The following PRMT8 variants were observed in gnomAD, a reference collection of about 807,000 sequenced individuals.
PRMT8 encodes the protein protein arginine N-methyltransferase 8.
Under a neutral mutation model 47.1 loss-of-function variants are expected in PRMT8, and 7 were observed. The observed-to-expected ratio is 0.15, with a 90% CI of 0.08 to 0.28. The LOEUF (loss-of-function observed/expected upper bound fraction) is 0.28. Among genes scored for constraint, PRMT8 ranks in the 10% least tolerant of loss-of-function variants. PRMT8 has a pLI of 1.00. For synonymous variants in PRMT8, 188 were observed against 186.5 expected (o/e 1.01, Z -0.07); for missense variants, 237 against 505.4 (o/e 0.47, Z 5.09).
intron 1 of PRMT8, among the ~76,000 whole-genome samples, chr12:3,513,216 T>A (rs1865739614): frequency 1.3e-5 from 2 of 152,274 alleles, no homozygotes; most frequent in South Asian, 4.2e-4. Flanking sequence ...CGCAAAACAT[T>A]GTTCAATCCC....
intron 1 of PRMT8, among the ~76,000 whole-genome samples, chr12:3,419,914 C>A (rs1864521979): frequency 6.9e-6 from 1 of 145,206 alleles, no homozygotes; most frequent in Non-Finnish European, 1.5e-5. Context: ...GGTGATGGAG[C>A]CAGAGGGAGC....
Position 3,481,726 on chromosome 12 carries a change from C to T in PRMT8, c.49-58880C>T, listed in dbSNP as rs368485072. Among the ~76,000 whole-genome samples, 197 of 152,146 alleles carry T rather than the reference C, an allele frequency of 1.3e-3. 1 individual carries two copies. The highest frequency in any genetic ancestry group is 1.6e-3 in the Non-Finnish European group (109 of 67,992). On this transcript the variant is annotated intron_variant, in intron 1 of 9. Transcript: ENST00000452611. Reference sequence around the variant, plus strand: ...AGGGTCTCCTGGAAGTCCTTGGTGGCGGGGAGCTTTGTCTCAAGAGGGGCC... The same window carrying T: ...AGGGTCTCCTGGAAGTCCTTGGTGGTGGGGAGCTTTGTCTCAAGAGGGGCC...
At chr12:3,487,497 A>G (rs1865333835), upstream of PRMT8, among the ~76,000 whole-genome samples, 1 of 152,234 alleles carries the variant, frequency 6.6e-6, no homozygotes, top group Non-Finnish European at 1.5e-5. Flanking sequence ...GACAGGAGAC[A>G]GAATTACAGA....
chr12:3,558,988 A>ATCTATCTG (rs1385641349), intron 4 of PRMT8, among the ~76,000 whole-genome samples: 6 of 150,902 alleles, frequency 4.0e-5, no homozygotes, highest in South Asian at 2.1e-4. Context: ...CTATCTATCT[A>ATCTATCTG]TCTGTCTATC....
chr12:3,515,349 T>A (rs971294727), intron 1 of PRMT8, among the ~76,000 whole-genome samples: 3 of 152,124 alleles, frequency 2.0e-5, no homozygotes, highest in Non-Finnish European at 4.4e-5. Flanking sequence ...AGCATCAGCG[T>A]CACCTGGGAA....
chr12:3,407,773 G>A (rs1251811748), intron 1 of PRMT8, among the ~76,000 whole-genome samples: 1 of 152,038 alleles, frequency 6.6e-6, no homozygotes, highest in Non-Finnish European at 1.5e-5. Context: ...GCTTAATGGT[G>A]CATCATAAGT....
In PRMT8 at chr12:3,400,699, A is replaced by G. The variant is rs928653853; in HGVS notation, c.48+19257A>G. 2.6e-5 allele frequency among the ~76,000 whole-genome samples: 4 copies of G among 152,232 alleles called. No homozygotes were observed. In the East Asian group the frequency reaches 7.7e-4, roughly 29 times the overall value. ...CCTGATACCAAAACCTGGAAGAGAT[A>G]CAATAAAAAAGAAAACTTCAGGCCA... On this transcript the variant is annotated intron_variant, in intron 1 of 9. Coordinates refer to the PRMT8 transcript ENST00000452611.
intron 1 of PRMT8, among the ~76,000 whole-genome samples, chr12:3,532,833 C>T (rs1308526053): frequency 1.3e-5 from 2 of 152,168 alleles, no homozygotes; most frequent in East Asian, 3.9e-4. Flanking sequence ...TCCTTCAAGG[C>T]CTGGGAATCT....
Position 3,508,411 on chromosome 12 carries a change from T to C in PRMT8, c.75+16711T>C, listed in dbSNP as rs1344114702. Among the ~76,000 whole-genome samples the C allele has an allele frequency of 6.6e-6, 1 of 152,186 alleles. No individual in the cohort carries two copies. Among genetic ancestry groups the C allele is most frequent in the Non-Finnish European group, 1.5e-5 (1 of 68,030 alleles). On this transcript the variant is annotated intron_variant, in intron 1 of 9. Transcript: ENST00000382622. This position sits in a 1 kb window ranked among gnomAD's most constrained non-coding sequence, Gnocchi z 4.9. ...GTGAGACATGAGGTACAAGTTTAAT[T>C]ACCGGCCTGGAGCTTCTGAGCTACA...
chr12:3,483,258 C>T (rs1865291540), intron 1 of PRMT8, among the ~76,000 whole-genome samples: 2 of 152,126 alleles, frequency 1.3e-5, no homozygotes, highest in African/African-American at 2.4e-5. Context: ...TCTGCGAGGC[C>T]CTAGGCAGAA....
chr12:3,419,229 G>C (rs890490589), intron 1 of PRMT8, among the ~76,000 whole-genome samples: 1 of 152,202 alleles, frequency 6.6e-6, no homozygotes, highest in Non-Finnish European at 1.5e-5. Context: ...CGGTGTCTTG[G>C]CTTTGTGCTG....
intron 1 of PRMT8, among the ~76,000 whole-genome samples, chr12:3,473,358 C>G (rs769796401): frequency 2.0e-5 from 3 of 152,174 alleles, no homozygotes; most frequent in Non-Finnish European, 2.9e-5. Context: ...ATCGCTCCAC[C>G]CAGAACGGTC....
Position 3,456,383 on chromosome 12 carries a change from AC to A in PRMT8, c.48+74944del, listed in dbSNP as rs1351955780. ...CGTGGATCCCCTTCCCGAGGGAAAA[AC>A]CCTAGCACCCACATATCCATCACCC... On this transcript the variant is annotated intron_variant, in intron 1 of 9. Coordinates refer to the PRMT8 transcript ENST00000452611. The surrounding 1 kb of genome is among the most constrained non-coding windows in gnomAD (Gnocchi z 4.2). 6.6e-6 allele frequency among the ~76,000 whole-genome samples: 1 copy of A among 152,032 alleles called. No individual in the cohort carries two copies. Among genetic ancestry groups the A allele is most frequent in the Admixed American group, 6.6e-5 (1 of 15,252 alleles).
chr12:3,509,921 T>C (rs1325618675), intron 1 of PRMT8, among the ~76,000 whole-genome samples: 1 of 152,194 alleles, frequency 6.6e-6, no homozygotes, highest in Non-Finnish European at 1.5e-5. Context: ...ACGGCATAAG[T>C]CTCAGAAAGG....
rs1434137768 is a variant in PRMT8 at position 3,535,866 on chromosome 12, A to T, written c.76-4740A>T. 1.3e-5 allele frequency among the ~76,000 whole-genome samples: 2 copies of T among 152,076 alleles called. No homozygotes were observed. The highest frequency in any genetic ancestry group is 2.9e-5 in the Non-Finnish European group (2 of 68,008). On this transcript the variant is annotated intron_variant, in intron 1 of 9. Coordinates refer to ENST00000382622, the MANE Select transcript of PRMT8 (RefSeq NM_019854.5). The surrounding 1 kb of genome is among the most constrained non-coding windows in gnomAD (Gnocchi z 4.7). ...TGACTTCTCAGACTATGTATACAAG[A>T]TTGGAGTTTGAAAGTCACCTTCACT...
chr12:3,564,054 G>A lies in PRMT8; in HGVS notation c.482-4652G>A, dbSNP rs897038571. Among the ~76,000 whole-genome samples the A allele has an allele frequency of 9.9e-5, 15 of 152,116 alleles. No homozygotes were observed. Among genetic ancestry groups the A allele is most frequent in the African/African-American group, 2.2e-4 (9 of 41,428 alleles). ...GAAATAGGAAGCTAAAATAGACAAC[G>A]AAGAGAAGGAATGCATACGCTGGAG... On this transcript the variant is annotated intron_variant, in intron 4 of 9. Transcript: ENST00000382622. This position sits in a 1 kb window ranked among gnomAD's most constrained non-coding sequence, Gnocchi z 4.0.
rs1289934020 is a variant in PRMT8 at position 3,590,910 on chromosome 12, T to C, written c.980-1321T>C. On this transcript the variant is annotated intron_variant, in intron 8 of 9. Coordinates refer to ENST00000382622, the MANE Select transcript of PRMT8 (RefSeq NM_019854.5). ...GGCCCGGTCCCTGCCCTCATGGAGC[T>C]TGCAGTCCATGGAGGATGCAGACAA... Among the ~76,000 whole-genome samples, 11 of 152,270 alleles carry C rather than the reference T, an allele frequency of 7.2e-5. No homozygotes were observed. The East Asian group carries it at 2.1e-3, about 29-fold the overall frequency.
upstream of PRMT8, among the ~76,000 whole-genome samples, chr12:3,489,497 C>T (rs543279406): frequency 1.3e-5 from 2 of 152,094 alleles, no homozygotes; most frequent in South Asian, 2.1e-4. Context: ...GACCACAGAG[C>T]GGTGAGGATC....
At chr12:3,475,469 A>C (rs1400177408) in intron 1 of PRMT8, among the ~76,000 whole-genome samples, 1 of 152,234 alleles carries the variant, frequency 6.6e-6, no homozygotes, top group East Asian at 1.9e-4. Flanking sequence ...ACTTTCCAGC[A>C]GATCACAAGT....
Sources: gnomAD v4.1 joint callset for allele counts (sites outside exome capture counted in the v4.1 genomes callset) on GRCh38, gnomAD v4.1.1 for gene constraint, Gnocchi (gnomAD v3.1) non-coding constraint, MANE v1.5 for transcripts, NCBI Gene and HGNC (gene_info 2026-07-23, HGNC 2026-07-21) for gene names.